The following RARB variants were observed in gnomAD, a reference collection of about 807,000 sequenced individuals.
RARB encodes HBV-activated protein.
RARB carries 17 observed loss-of-function variants against 51.9 expected under a neutral mutation model. That is an observed-to-expected ratio of 0.33 (90% CI 0.22 to 0.49). RARB has a LOEUF of 0.49. Among genes scored for constraint, RARB ranks in the 20% least tolerant of loss-of-function variants. The pLI, the probability that RARB is intolerant of heterozygous loss-of-function variation, is 0.99. For synonymous variants in RARB, 215 were observed against 195.4 expected (o/e 1.10, Z -0.84); for missense variants, 369 against 550.8 (o/e 0.67, Z 3.30).
intron 5 of RARB, among the ~76,000 whole-genome samples, chr3:25,224,696 C>A (rs1702017153): frequency 6.6e-6 from 1 of 152,124 alleles, no homozygotes; most frequent in African/African-American, 2.4e-5. Flanking sequence ...TAACCTCAAC[C>A]TCCTGGGCTC....
chr3:25,140,190 A>G (rs1320788402), intron 4 of RARB, among the ~76,000 whole-genome samples: 4 of 152,238 alleles, frequency 2.6e-5, no homozygotes, highest in Middle Eastern at 3.4e-3. Flanking sequence ...TAATAAATAC[A>G]TTTTGTAAGG....
At position 25,422,910 on chromosome 3, in the gene RARB, C is replaced by T. The variant is rs538086010; in HGVS notation, c.179-38283C>T. ...GTTTAGAACAGAGGTGGACAAACTA[C>T]AGCCCATGAGCAAAACCTAGTCCAC... On this transcript the variant is annotated intron_variant, in intron 5 of 11. Coordinates refer to the RARB transcript ENST00000383772. 1.3e-3 allele frequency among the ~76,000 whole-genome samples: 200 copies of T among 152,232 alleles called. 2 individuals carry two copies. The highest frequency in any genetic ancestry group is 4.7e-3 in the African/African-American group (197 of 41,542).
At chr3:25,086,441 A>G (rs1699107012) in intron 3 of RARB, among the ~76,000 whole-genome samples, 1 of 152,154 alleles carries the variant, frequency 6.6e-6, no homozygotes, top group South Asian at 2.1e-4. Flanking sequence ...TCTCAGAAAA[A>G]TTTTTTAACT....
intron 2 of RARB, among the ~76,000 whole-genome samples, chr3:24,933,848 C>A (rs186277739): frequency 3.2e-4 from 48 of 151,954 alleles, no homozygotes; most frequent in Admixed American, 1.2e-3. Context: ...AAGGATCGAA[C>A]AAAGCATTAA....
intron 5 of RARB, among the ~76,000 whole-genome samples, chr3:25,192,703 C>G (rs1701134128): frequency 6.6e-6 from 1 of 152,000 alleles, no homozygotes; most frequent in Non-Finnish European, 1.5e-5. Context: ...TGTACTGCCT[C>G]AGACAATCCT....
chr3:25,034,215 C>CGG (rs1559441742), intron 2 of RARB, among the ~76,000 whole-genome samples: 1 of 152,112 alleles, frequency 6.6e-6, no homozygotes, highest in Non-Finnish European at 1.5e-5. Flanking sequence ...GAGGCTAAGG[C>CGG]GGGAGAATCG....
intron 5 of RARB, among the ~76,000 whole-genome samples, chr3:25,321,133 G>A (rs1328360856): frequency 3.3e-5 from 5 of 152,086 alleles, no homozygotes; most frequent in Admixed American, 6.5e-5. Context: ...ATAAGTTTAG[G>A]ATAAGCTTAG....
chr3:25,391,606 C>T (rs1706961504), intron 5 of RARB, among the ~76,000 whole-genome samples: 1 of 150,776 alleles, frequency 6.6e-6, no homozygotes, highest in Non-Finnish European at 1.5e-5. Flanking sequence ...GATGGTATCA[C>T]ATTGAGGTTT....
intron 5 of RARB, among the ~76,000 whole-genome samples, chr3:25,268,102 G>C (rs1221188233): frequency 6.6e-6 from 1 of 152,134 alleles, no homozygotes; most frequent in Non-Finnish European, 1.5e-5. Flanking sequence ...AACAAAAAAA[G>C]TGCTTGAGGT....
At chr3:25,084,039 C>A (rs12486699) in intron 3 of RARB, among the ~76,000 whole-genome samples, 106,076 of 152,056 alleles carry the variant, frequency 0.7, 38,143 homozygotes, top group Admixed American at 0.79. Flanking sequence ...AGAGTTCTCT[C>A]AGTCTCATCC....
In RARB at chr3:25,314,734, C is replaced by T. The variant is rs954086221; in HGVS notation, c.178+140159C>T. On this transcript the variant is annotated intron_variant, in intron 5 of 11. Coordinates refer to the RARB transcript ENST00000383772. ...TTTTAGACTCAGGTGGGTACATGTG[C>T]AGGTTTGTTACATGGGTATATTGTG... Among the ~76,000 whole-genome samples the T allele has an allele frequency of 2.0e-5, 3 of 151,924 alleles. No individual in the cohort carries two copies. In the East Asian group the frequency reaches 5.8e-4, roughly 29 times the overall value.
At chr3:25,205,276 G>T (rs1284550645) in intron 5 of RARB, among the ~76,000 whole-genome samples, 1 of 152,192 alleles carries the variant, frequency 6.6e-6, no homozygotes, top group Non-Finnish European at 1.5e-5. Flanking sequence ...TGTCAGAAAA[G>T]CACAGTATTA....
intron 3 of RARB, among the ~76,000 whole-genome samples, chr3:25,086,179 T>C (rs73141466): frequency 0.011 from 1,738 of 152,294 alleles, 26 homozygotes; most frequent in African/African-American, 0.04. Context: ...ATTCTGGTTA[T>C]AGGAATGGTG....
intron 3 of RARB, among the ~76,000 whole-genome samples, chr3:25,507,492 T>G (rs1008952389): frequency 6.6e-6 from 1 of 152,150 alleles, no homozygotes; most frequent in Admixed American, 6.5e-5. Context: ...AATTGATGCT[T>G]TTAATCCTGT....
At chr3:25,115,161 C>T (rs1699665307) in intron 3 of RARB, among the ~76,000 whole-genome samples, 1 of 152,100 alleles carries the variant, frequency 6.6e-6, no homozygotes, top group South Asian at 2.1e-4. Flanking sequence ...AGCTCCAGGT[C>T]CCCAGAACCT....
intron 1 of RARB, among the ~76,000 whole-genome samples, chr3:24,853,130 C>T (rs1306533045): frequency 2.7e-5 from 4 of 149,834 alleles, no homozygotes; most frequent in East Asian, 2.0e-4. Context: ...CTGGTTAACA[C>T]GGTGAAACCC....
intron 2 of RARB, among the ~76,000 whole-genome samples, chr3:24,880,841 T>A (rs1222913900): frequency 6.6e-6 from 1 of 152,236 alleles, no homozygotes; most frequent in Non-Finnish European, 1.5e-5. Context: ...GTTGTGTTAC[T>A]GTGAACTTAT....
At position 25,338,205 on chromosome 3, in the gene RARB, A is replaced by G. The variant is rs541055612; in HGVS notation, c.179-122988A>G. 5.9e-4 allele frequency among the ~76,000 whole-genome samples: 90 copies of G among 152,270 alleles called. No individual in the cohort carries two copies. The South Asian group carries it at 0.015, about 25-fold the overall frequency. ...GAGCTACATTTTGGTCACTTAGACC[A>G]TAAAAGCCCTAATTTCCTAATCCAT... On this transcript the variant is annotated intron_variant, in intron 5 of 11. Transcript: ENST00000383772.
At chr3:25,401,884 C>T (rs1243270650) in intron 5 of RARB, among the ~76,000 whole-genome samples, 1 of 152,172 alleles carries the variant, frequency 6.6e-6, no homozygotes, top group Admixed American at 6.5e-5. Flanking sequence ...TCAAGTGATT[C>T]TACTACCTCA....
Sources: gnomAD v4.1 joint callset for allele counts (sites outside exome capture counted in the v4.1 genomes callset) on GRCh38, gnomAD v4.1.1 for gene constraint, MANE v1.5 for transcripts, NCBI Gene and HGNC (gene_info 2026-07-23, HGNC 2026-07-21) for gene names.